SET: variants seen among roughly 807,000 people sequenced by gnomAD.
SET encodes protein SET.
In SET, 4 loss-of-function variants were observed where a neutral mutation model predicts 39.0. That is an observed-to-expected ratio of 0.10 (90% CI 0.05 to 0.23). SET has a LOEUF of 0.23. Among genes scored for constraint, SET ranks in the 10% least tolerant of loss-of-function variants. SET has a pLI of 1.00. For synonymous variants in SET, 114 were observed against 115.9 expected (o/e 0.98, Z 0.11); for missense variants, 137 against 329.7 (o/e 0.42, Z 4.53).
intron 1 of SET, 81 bp downstream of exon 1, chr9:128,689,736 G>C (rs1861434574): frequency 1.3e-5 from 3 of 224,990 alleles, no homozygotes; most frequent in African/African-American, 2.4e-5. Context: ...GGCGGGGCCC[G>C]GGGCGCGCGC....
chr9:128,689,142 A>C, upstream of SET: 3 of 393,454 alleles, frequency 7.6e-6, no homozygotes, highest in Non-Finnish European at 1.0e-5. Context: ...CGCCCAGGCC[A>C]ATGGCGCCGC....
At chr9:128,687,908 G>C (rs1357038939), upstream of SET, among the ~76,000 whole-genome samples, 4 of 152,056 alleles carry the variant, frequency 2.6e-5, no homozygotes, top group African/African-American at 7.2e-5. Context: ...ATTGGCCAGC[G>C]TATCACTAAA....
Position 128,695,664 on chromosome 9 carries a change from A to G in SET, c.*1000A>G. The G allele has an allele frequency of 4.4e-6, 1 of 225,714 alleles. No individual in the cohort carries two copies. The highest frequency in any genetic ancestry group is 8.9e-6 in the Non-Finnish European group (1 of 112,396). The allele number at this position is 225,714 out of a possible 1,614,324, so 14.0% of individuals were successfully genotyped here. On this transcript the variant is annotated 3_prime_UTR_variant, in exon 8 of 8. Coordinates refer to ENST00000322030, the MANE Select transcript of SET (RefSeq NM_003011.4). Reference sequence around the variant, plus strand: ...GATACGCACTTTGCAGGATGACCTCAGGGCTATGTGGATTGAGTAATGGGA... The same window carrying G: ...GATACGCACTTTGCAGGATGACCTCGGGGCTATGTGGATTGAGTAATGGGA...
At chr9:128,689,945 C>G in intron 1 of SET, 1 of 317,992 alleles carries the variant, frequency 3.1e-6, no homozygotes, top group Non-Finnish European at 4.5e-6. Context: ...CTCTCCTCCC[C>G]CTCCCTCCCT....
At chr9:128,694,529 C>T (rs1032931013) in intron 7 of SET, 112 bp from the exon 8 acceptor site, 3 of 632,542 alleles carry the variant, frequency 4.7e-6, no homozygotes, top group African/African-American at 3.8e-5. Flanking sequence ...AGCTGACTTA[C>T]AGGTTTAGAA....
intron 5 of SET, 107 bp from the exon 6 acceptor site, chr9:128,693,531 T>C: frequency 3.4e-6 from 4 of 1,164,034 alleles, no homozygotes; most frequent in African/African-American, 1.5e-5. Context: ...GATAGTATAC[T>C]GATATTTGTT....
At chr9:128,693,568 T>C (rs573797615) in intron 5 of SET, 70 bp from the exon 6 acceptor site, 887 of 1,447,782 alleles carry the variant, frequency 6.1e-4, no homozygotes, top group African/African-American at 4.3e-3. Context: ...GAAAATCTTA[T>C]TTTTTAAATT....
intron 4 of SET, 50 bp downstream of exon 4, chr9:128,692,815 G>A (rs996834411): frequency 5.3e-6 from 8 of 1,516,032 alleles, no homozygotes; most frequent in East Asian, 4.5e-5. Flanking sequence ...ATTAATGTGA[G>A]CTTTGGTTGG....
rs971609222 is a variant in SET, at chr9:128,683,930, A to C, written c.35A>C (p.Gln12Pro). The C allele has an allele frequency of 2.6e-6, 4 of 1,555,880 alleles. No individual in the cohort carries two copies. Among genetic ancestry groups the C allele is most frequent in the Non-Finnish European group, 3.5e-6 (4 of 1,149,696 alleles). Residue 12 changes from glutamine to proline, a missense_variant, in exon 1 of 8, where the codon CAA becomes CCA. Coordinates refer to the SET transcript ENST00000372692. ...AAACGCCAGTCTCCACTCCCGCCTCAAAAGAAGAAACCAAGACCACCTCCT... is the reference window on the plus strand; with the variant it reads ...AAACGCCAGTCTCCACTCCCGCCTCCAAAGAAGAAACCAAGACCACCTCCT...
chr9:128,684,523 C>T (rs547119415), upstream of SET, among the ~76,000 whole-genome samples: 33 of 152,228 alleles, frequency 2.2e-4, no homozygotes, highest in Admixed American at 1.6e-3. Flanking sequence ...GCCCACTCCC[C>T]GGCTTAAACC....
intron 3 of SET, chr9:128,692,432 C>T (rs1240909979): frequency 3.3e-5 from 7 of 214,136 alleles, no homozygotes; most frequent in South Asian, 1.2e-4. Flanking sequence ...ACCTCAAAGA[C>T]GGGAAAAGAT....
chr9:128,694,546 G>A (rs1861660976), intron 7 of SET, 95 bp from the exon 8 acceptor site: 2 of 733,162 alleles, frequency 2.7e-6, no homozygotes, highest in South Asian at 1.8e-5. Context: ...AGAAACTGGA[G>A]TGCCCCCAGG....
chr9:128,688,759 C>T (rs1274826913), upstream of SET, among the ~76,000 whole-genome samples: 1 of 152,206 alleles, frequency 6.6e-6, no homozygotes, highest in Non-Finnish European at 1.5e-5. Flanking sequence ...GGCAGTTCCC[C>T]ATCTGGCATC....
chr9:128,689,408 C>G lies in SET; in HGVS notation c.-175C>G, dbSNP rs1459289592. 2.8e-6 allele frequency: 2 copies of G among 711,658 alleles called. No individual in the cohort carries two copies. Among genetic ancestry groups the G allele is most frequent in the Non-Finnish European group, 3.6e-6 (2 of 558,128 alleles). The allele number at this position is 711,658 out of a possible 1,614,324, so 44.1% of individuals were successfully genotyped here. On this transcript the variant is annotated 5_prime_UTR_variant, in exon 1 of 8. Coordinates refer to ENST00000322030, the MANE Select transcript of SET (RefSeq NM_003011.4). ...CAGCCCGTCCCTCGGCGTCAGGCCG[C>G]GAGGGTAGCGCGCGCGAGCGAGCGA...
intron 3 of SET, chr9:128,692,431 A>G (rs1376462535): frequency 1.2e-5 from 4 of 326,676 alleles, no homozygotes; most frequent in Non-Finnish European, 1.7e-5. Flanking sequence ...AACCTCAAAG[A>G]CGGGAAAAGA....
intron 5 of SET, 148 bp downstream of exon 5, chr9:128,693,129 T>A: frequency 1.6e-6 from 1 of 626,022 alleles, no homozygotes; most frequent in Non-Finnish European, 2.8e-6. Context: ...AGCCAAGTAT[T>A]ACAGTAGTTT....
upstream of SET, chr9:128,685,022 G>T: frequency 6.8e-7 from 1 of 1,472,046 alleles, no homozygotes. Flanking sequence ...GGTGTGGATA[G>T]GCCCAGGGCC....
upstream of SET, chr9:128,684,957 C>T: frequency 7.8e-7 from 1 of 1,277,854 alleles, no homozygotes; most frequent in Non-Finnish European, 1.0e-6. Context: ...GTTGACTGTT[C>T]TGGTGACTAG....
At chr9:128,693,561 A>G in intron 5 of SET, 77 bp from the exon 6 acceptor site, 3 of 1,427,098 alleles carry the variant, frequency 2.1e-6, no homozygotes, top group Non-Finnish European at 2.8e-6. Context: ...TTTTGGGGAA[A>G]ATCTTATTTT....
Sources: gnomAD v4.1 joint callset for allele counts (sites outside exome capture counted in the v4.1 genomes callset) on GRCh38, gnomAD v4.1.1 for gene constraint, MANE v1.5 for transcripts, NCBI Gene and HGNC (gene_info 2026-07-23, HGNC 2026-07-21) for gene names.